SGCZ: variants seen among roughly 807,000 people sequenced by gnomAD.
SGCZ encodes the protein sarcoglycan zeta.
In SGCZ, 40 loss-of-function variants were observed where a neutral mutation model predicts 41.3. The observed-to-expected ratio is 0.97, with a 90% CI of 0.75 to 1.26. The LOEUF is 1.26. Ranked by LOEUF, SGCZ falls within the 50% of genes most tolerant of loss-of-function variation. The pLI is 0.00. For missense variants in SGCZ, 552 were observed against 369.8 expected (o/e 1.49, Z -4.04); for synonymous variants, 206 against 137.5 (o/e 1.50, Z -3.49).
intron 1 of SGCZ, among the ~76,000 whole-genome samples, chr8:14,590,524 T>C (rs1014103788): frequency 6.6e-6 from 1 of 151,214 alleles, no homozygotes; most frequent in Admixed American, 6.6e-5. Flanking sequence ...TTATGTTTTT[T>C]ATTATTTAAT....
chr8:14,125,760 T>C (rs1455641412), intron 5 of SGCZ, among the ~76,000 whole-genome samples: 2 of 152,194 alleles, frequency 1.3e-5, no homozygotes, highest in African/African-American at 4.8e-5. Context: ...CACATGGTAC[T>C]GGTACCATAA....
At chr8:14,257,686 A>G (rs1257783151) in intron 3 of SGCZ, among the ~76,000 whole-genome samples, 1 of 148,556 alleles carries the variant, frequency 6.7e-6, no homozygotes, top group South Asian at 2.1e-4. Flanking sequence ...CCTGTGTCCA[A>G]GTGTTCTCAT....
intron 1 of SGCZ, among the ~76,000 whole-genome samples, chr8:15,150,073 A>C (rs1799136836): frequency 9.0e-6 from 1 of 111,316 alleles, no homozygotes; most frequent in African/African-American, 3.0e-5. Flanking sequence ...ATTATGAAAA[A>C]GTCTGAAAGG....
chr8:14,282,356 CAA>C (rs11297233), intron 3 of SGCZ, among the ~76,000 whole-genome samples: 1 of 151,654 alleles, frequency 6.6e-6, no homozygotes, highest in Non-Finnish European at 1.5e-5. Context: ...CCCTTTCTTT[CAA>C]AAAAAAAATC....
At chr8:14,227,236 C>CA (rs879388818) in intron 4 of SGCZ, among the ~76,000 whole-genome samples, 15 of 151,694 alleles carry the variant, frequency 9.9e-5, no homozygotes, top group African/African-American at 2.2e-4. Flanking sequence ...TGAAGTATGG[C>CA]AAAAAAAATG....
chr8:14,683,217 T>A (rs1392839190), intron 1 of SGCZ, among the ~76,000 whole-genome samples: 1 of 152,188 alleles, frequency 6.6e-6, no homozygotes, highest in Non-Finnish European at 1.5e-5. Flanking sequence ...GGCAATAGAC[T>A]AATTTATAAT....
At chr8:15,098,861 C>A (rs1002316397) in intron 1 of SGCZ, among the ~76,000 whole-genome samples, 1 of 152,172 alleles carries the variant, frequency 6.6e-6, no homozygotes, top group African/African-American at 2.4e-5. Flanking sequence ...GAGTTCAAGA[C>A]CAGCCCGGCC....
intron 5 of SGCZ, among the ~76,000 whole-genome samples, chr8:14,150,387 A>G (rs1420057070): frequency 1.3e-5 from 2 of 152,174 alleles, no homozygotes; most frequent in Non-Finnish European, 2.9e-5. Flanking sequence ...ATATTTCTCA[A>G]AAGAAAACAC....
At chr8:14,769,806 A>AAAAAAAAC (rs1800173199) in intron 1 of SGCZ, among the ~76,000 whole-genome samples, 1 of 149,972 alleles carries the variant, frequency 6.7e-6, no homozygotes, top group African/African-American at 2.5e-5. Context: ...AAAAAAAAAA[A>AAAAAAAAC]AAAAAAAAAC....
intron 1 of SGCZ, among the ~76,000 whole-genome samples, chr8:14,909,571 A>C (rs1799223580): frequency 6.6e-6 from 1 of 152,138 alleles, no homozygotes; most frequent in Admixed American, 6.6e-5. Context: ...AAATTTTATA[A>C]ATCAATATGA....
intron 1 of SGCZ, among the ~76,000 whole-genome samples, chr8:15,235,902 A>T (rs892802153): frequency 2.0e-5 from 3 of 152,164 alleles, no homozygotes; most frequent in Non-Finnish European, 4.4e-5. Flanking sequence ...GATAAAACCT[A>T]CCCCTTCTCC....
At chr8:14,440,140 T>C (rs1385411834) in intron 2 of SGCZ, among the ~76,000 whole-genome samples, 2 of 152,120 alleles carry the variant, frequency 1.3e-5, no homozygotes, top group African/African-American at 4.8e-5. Context: ...TCTCATTTTT[T>C]GATAAAAACT....
intron 1 of SGCZ, among the ~76,000 whole-genome samples, chr8:14,909,370 T>C (rs1271498824): frequency 6.6e-6 from 1 of 152,180 alleles, no homozygotes; most frequent in African/African-American, 2.4e-5. Flanking sequence ...GGTGTGAACT[T>C]CACTGTCTTT....
At chr8:15,046,331 C>A (rs768097935) in intron 1 of SGCZ, among the ~76,000 whole-genome samples, 1 of 151,988 alleles carries the variant, frequency 6.6e-6, no homozygotes, top group Admixed American at 6.6e-5. Context: ...AAATTAAACA[C>A]TAAAATAATG....
At chr8:14,093,839 T>C (rs1412708002) in intron 7 of SGCZ, among the ~76,000 whole-genome samples, 1 of 152,146 alleles carries the variant, frequency 6.6e-6, no homozygotes, top group East Asian at 1.9e-4. Flanking sequence ...CTTTCTTCTC[T>C]CATTAACAGT....
chr8:14,150,972 C>T (rs552452629), intron 5 of SGCZ, among the ~76,000 whole-genome samples: 2 of 152,122 alleles, frequency 1.3e-5, no homozygotes, highest in South Asian at 4.1e-4. Flanking sequence ...ACCTAAAAAT[C>T]ACAACAATTG....
chr8:14,853,213 T>C lies in SGCZ; in HGVS notation c.40-298287A>G, dbSNP rs1016942178. On this transcript the variant is annotated intron_variant, in intron 1 of 7. Transcript: ENST00000382080. ...CCCAAGTTATTTTCTCTTTATGGTA[T>C]AAAAATGTTAAAGAGTGGGGAAGAG... 2.6e-5 allele frequency among the ~76,000 whole-genome samples: 4 copies of C among 152,324 alleles called. No homozygotes were observed. In the South Asian group the frequency reaches 8.3e-4, roughly 32 times the overall value.
intron 1 of SGCZ, among the ~76,000 whole-genome samples, chr8:14,884,784 C>T (rs1454848574): frequency 6.6e-6 from 1 of 152,058 alleles, no homozygotes; most frequent in Non-Finnish European, 1.5e-5. Context: ...ATCAACATCA[C>T]AATTTATCTA....
At chr8:14,145,568 C>A (rs1450978666) in intron 5 of SGCZ, among the ~76,000 whole-genome samples, 1 of 152,186 alleles carries the variant, frequency 6.6e-6, no homozygotes. Context: ...TCCAGGAAAA[C>A]ATGACCTCAG....
Sources: allele counts gnomAD v4.1 joint callset (sites outside exome capture counted in the v4.1 genomes callset), GRCh38; gene constraint gnomAD v4.1.1; transcripts MANE v1.5; gene names NCBI Gene and HGNC (gene_info 2026-07-23, HGNC 2026-07-21).